Variants in ASTN2 observed in about 807,000 individuals in gnomAD.
ASTN2 encodes astrotactin 2.
In ASTN2, 54 loss-of-function variants were observed where a neutral mutation model predicts 139.8. The ratio of observed to expected loss-of-function variants is 0.39; its 90% CI spans 0.31 to 0.48. The LOEUF is 0.48. Among genes scored for constraint, ASTN2 ranks in the 20% least tolerant of loss-of-function variants. The pLI, the probability that ASTN2 is intolerant of heterozygous loss-of-function variation, is 0.95. For synonymous variants in ASTN2, 756 were observed against 719.5 expected, an observed-to-expected ratio of 1.05 and a Z score of -0.81; for missense variants, 1,565 against 1,725.1, an observed-to-expected ratio of 0.91 and a Z score of 1.64.
intron 13 of ASTN2, among the ~76,000 whole-genome samples, chr9:116,778,842 G>A (rs1383151106): frequency 6.6e-6 from 1 of 152,090 alleles, no homozygotes; most frequent in Non-Finnish European, 1.5e-5. Context: ...GAACAGAGGG[G>A]GCCCGAATCT....
At chr9:117,292,678 T>A (rs1338863473) in intron 1 of ASTN2, among the ~76,000 whole-genome samples, 1 of 151,914 alleles carries the variant, frequency 6.6e-6, no homozygotes, top group Non-Finnish European at 1.5e-5. Context: ...TCCTACAGTC[T>A]CCAAAGACCT....
chr9:117,278,133 G>A (rs890503784), intron 2 of ASTN2, among the ~76,000 whole-genome samples: 1 of 152,308 alleles, frequency 6.6e-6, no homozygotes, highest in Non-Finnish European at 1.5e-5. Flanking sequence ...ACAAACAAAA[G>A]CAGGACAAGG....
At chr9:117,317,652 A>G (rs1014830995) in intron 1 of ASTN2, among the ~76,000 whole-genome samples, 6 of 152,118 alleles carry the variant, frequency 3.9e-5, no homozygotes, top group African/African-American at 1.2e-4. Flanking sequence ...GGCTCTTTTT[A>G]AAGATGCTTT....
At chr9:117,051,287 A>G (rs1273076805) in intron 5 of ASTN2, among the ~76,000 whole-genome samples, 1 of 152,146 alleles carries the variant, frequency 6.6e-6, no homozygotes, top group East Asian at 1.9e-4. Flanking sequence ...TGCCGGATAC[A>G]TTGTGCTAAA....
intron 19 of ASTN2, among the ~76,000 whole-genome samples, chr9:116,587,151 G>T (rs56023289): frequency 0.16 from 24,514 of 151,796 alleles, 2,161 homozygotes; most frequent in African/African-American, 0.22. Flanking sequence ...GACTAGCCTG[G>T]CCAACATGGT....
intron 17 of ASTN2, among the ~76,000 whole-genome samples, chr9:116,644,870 T>C (rs1857511733): frequency 6.6e-6 from 1 of 152,152 alleles, no homozygotes; most frequent in Non-Finnish European, 1.5e-5. Flanking sequence ...GCTGACCTTA[T>C]CACAGTGCCA....
At chr9:116,651,489 G>A in intron 17 of ASTN2, 39 bp downstream of exon 17, 1 of 1,600,392 alleles carries the variant, frequency 6.2e-7, no homozygotes, top group Non-Finnish European at 8.5e-7. Context: ...TAGGAGGGCT[G>A]GTCAAGTTTG....
At chr9:116,590,886 T>G (rs1290737067) in intron 19 of ASTN2, among the ~76,000 whole-genome samples, 1 of 152,126 alleles carries the variant, frequency 6.6e-6, no homozygotes, top group Non-Finnish European at 1.5e-5. Context: ...TGCTGAGAGC[T>G]AGAGAGCTGG....
In ASTN2 at chr9:116,425,756, G is replaced by C; in HGVS notation, c.*95C>G. The C allele has an allele frequency of 6.2e-7, 1 of 1,605,514 alleles. No homozygotes were observed. Among genetic ancestry groups the C allele is most frequent in the Non-Finnish European group, 8.5e-7 (1 of 1,175,376 alleles). ...GCTTCATCTGCTAGGCCCATCCTCA[G>C]CTGTCCCCCAGCCCACCCAGGCCCC... On this transcript the variant is annotated 3_prime_UTR_variant, in exon 23 of 23. Transcript: ENST00000313400.
At chr9:117,336,631 C>G (rs926414865) in intron 1 of ASTN2, among the ~76,000 whole-genome samples, 4 of 152,210 alleles carry the variant, frequency 2.6e-5, no homozygotes, top group Non-Finnish European at 5.9e-5. Context: ...TTCACCAACT[C>G]ACTGCCATGA....
intron 1 of ASTN2, among the ~76,000 whole-genome samples, chr9:117,325,984 C>T (rs1222346901): frequency 6.6e-6 from 1 of 152,014 alleles, no homozygotes; most frequent in Non-Finnish European, 1.5e-5. Flanking sequence ...AGGGAGTTAC[C>T]CTGAGGGAGG....
intron 11 of ASTN2, among the ~76,000 whole-genome samples, chr9:116,845,017 T>C (rs545388534): frequency 7.9e-4 from 120 of 152,348 alleles, no homozygotes; most frequent in Middle Eastern, 6.8e-3. Flanking sequence ...AACTGAGGCT[T>C]TGTGGCTGGA....
At chr9:117,315,945 G>C (rs980681690) in intron 1 of ASTN2, among the ~76,000 whole-genome samples, 1 of 152,172 alleles carries the variant, frequency 6.6e-6, no homozygotes, top group South Asian at 2.1e-4. Flanking sequence ...AATAGGCAAC[G>C]TCTATTGACT....
At chr9:117,256,966 G>A (rs1438128399) in intron 2 of ASTN2, among the ~76,000 whole-genome samples, 1 of 151,116 alleles carries the variant, frequency 6.6e-6, no homozygotes, top group Non-Finnish European at 1.5e-5. Context: ...AAGATGTTTA[G>A]CTGGAAAAAA....
At position 116,625,938 on chromosome 9, in the gene ASTN2, G is replaced by A. The variant is rs530728542; in HGVS notation, c.3073-5495C>T. ...GAAACTTGCTTATTTGTGTGTCCTC[G>A]CCTATCAAACTGTGAACTTCTCCAT... is the stretch of plus-strand genomic sequence containing the variant. On this transcript the variant is annotated intron_variant, in intron 17 of 22. Coordinates refer to ENST00000313400, the MANE Select transcript of ASTN2 (RefSeq NM_001365068.1). Among the ~76,000 whole-genome samples the A allele has an allele frequency of 1.7e-4, 26 of 151,872 alleles. No homozygotes were observed. In the South Asian group the frequency reaches 5.0e-3, roughly 29 times the overall value.
At chr9:116,839,993 C>T (rs1490565161) in intron 11 of ASTN2, among the ~76,000 whole-genome samples, 2 of 147,378 alleles carry the variant, frequency 1.4e-5, no homozygotes, top group African/African-American at 2.6e-5. Context: ...GAACAAAGGT[C>T]TCTGGTTTTC....
At chr9:117,121,964 C>T (rs1587987155) in intron 4 of ASTN2, among the ~76,000 whole-genome samples, 1 of 152,174 alleles carries the variant, frequency 6.6e-6, no homozygotes, top group Non-Finnish European at 1.5e-5. Flanking sequence ...ACCATCCCAT[C>T]AGGCCCCTCC....
chr9:117,154,768 C>T (rs1830396639), intron 3 of ASTN2, among the ~76,000 whole-genome samples: 1 of 152,018 alleles, frequency 6.6e-6, no homozygotes, highest in African/African-American at 2.4e-5. Flanking sequence ...CATCTGCTTA[C>T]CCTTGAGTAC....
intron 11 of ASTN2, among the ~76,000 whole-genome samples, chr9:116,836,450 G>T (rs1831994923): frequency 6.6e-6 from 1 of 152,128 alleles, no homozygotes; most frequent in Non-Finnish European, 1.5e-5. Context: ...ATGGGGAGGG[G>T]TGTGTTCATT....
Sources: allele counts gnomAD v4.1 joint callset (sites outside exome capture counted in the v4.1 genomes callset), GRCh38; gene constraint gnomAD v4.1.1; transcripts MANE v1.5; gene names NCBI Gene and HGNC (gene_info 2026-07-23, HGNC 2026-07-21).